CYP39A1: variants seen among roughly 807,000 people sequenced by gnomAD.
The protein encoded by CYP39A1 is 24-hydroxycholesterol 7-alpha-hydroxylase.
A neutral mutation model predicts 58.1 loss-of-function variants in CYP39A1; 49 were observed. That is an observed-to-expected ratio of 0.84 (90% confidence interval 0.67 to 1.07). The LOEUF is 1.07. Among genes scored for constraint, CYP39A1 ranks in the 50% least tolerant of loss-of-function variants. The pLI, the probability that CYP39A1 is intolerant of heterozygous loss-of-function variation, is 0.00. For synonymous variants in CYP39A1, 209 were observed against 187.6 expected (o/e 1.11, Z -0.93); for missense variants, 531 against 539.4 (o/e 0.98, Z 0.16).
At chr6:46,562,881 G>A (rs1217709319) in intron 10 of CYP39A1, among the ~76,000 whole-genome samples, 1 of 151,780 alleles carries the variant, frequency 6.6e-6, no homozygotes, top group Non-Finnish European at 1.5e-5. Flanking sequence ...CAGGCTTTTG[G>A]CCAATTCATA....
At chr6:46,585,778 A>T (rs930666562) in intron 10 of CYP39A1, among the ~76,000 whole-genome samples, 2 of 152,136 alleles carry the variant, frequency 1.3e-5, no homozygotes, top group South Asian at 4.1e-4. Flanking sequence ...CGACAAAATA[A>T]TATTACTGAG....
At chr6:46,643,055 C>T (rs1776440113) in intron 1 of CYP39A1, among the ~76,000 whole-genome samples, 1 of 152,222 alleles carries the variant, frequency 6.6e-6, no homozygotes, top group Non-Finnish European at 1.5e-5. Context: ...TCTCTCTCTC[C>T]TACATCATTA....
chr6:46,566,242 A>G (rs747707756), intron 10 of CYP39A1, among the ~76,000 whole-genome samples: 3 of 152,184 alleles, frequency 2.0e-5, no homozygotes, highest in Non-Finnish European at 1.5e-5. Flanking sequence ...CTATGAGCTA[A>G]TAGTTTGGCT....
At chr6:46,570,531 C>T (rs1432013761) in intron 10 of CYP39A1, among the ~76,000 whole-genome samples, 1 of 151,936 alleles carries the variant, frequency 6.6e-6, no homozygotes, top group African/African-American at 2.4e-5. Flanking sequence ...TTGTTGTGTT[C>T]GTTCATTTGT....
intron 1 of CYP39A1, among the ~76,000 whole-genome samples, chr6:46,649,764 T>A (rs1303267453): frequency 6.6e-6 from 1 of 152,134 alleles, no homozygotes; most frequent in African/African-American, 2.4e-5. Context: ...AAAAAGAGGT[T>A]GAAGGGACTT....
rs553338005 is a variant in CYP39A1, at chr6:46,650,581, G to A, written c.177+1825C>T. 9.7e-4 allele frequency among the ~76,000 whole-genome samples: 127 copies of A among 130,322 alleles called. 3 individuals are homozygous for A. The highest frequency in any genetic ancestry group is 2.9e-3 in the African/African-American group (100 of 34,868). The allele number at this position is 130,322 out of a possible 152,430, so 85.5% of individuals were successfully genotyped here. A position where few individuals can be genotyped will look rare whatever the true frequency, so the allele number is the denominator to read the frequency against. ...TGCAGTGGCTCAATCATAGCTTACCGGAATCTGGAACTCCTGAGCTCAAGC... is the reference window on the plus strand; with the variant it reads ...TGCAGTGGCTCAATCATAGCTTACCAGAATCTGGAACTCCTGAGCTCAAGC... On this transcript the variant is annotated intron_variant, in intron 1 of 11. Transcript: ENST00000275016.
intron 7 of CYP39A1, among the ~76,000 whole-genome samples, chr6:46,599,114 T>C (rs1287931486): frequency 6.6e-6 from 1 of 152,124 alleles, no homozygotes; most frequent in Non-Finnish European, 1.5e-5. Context: ...ATTCCTTCCA[T>C]TATTTGTTCA....
At chr6:46,645,872 T>C (rs1762290559) in intron 1 of CYP39A1, among the ~76,000 whole-genome samples, 1 of 152,102 alleles carries the variant, frequency 6.6e-6, no homozygotes, top group Non-Finnish European at 1.5e-5. Flanking sequence ...GTTCTAAACA[T>C]TTTGTTACAT....
chr6:46,574,830 A>G lies in CYP39A1; in HGVS notation c.1250+12247T>C, dbSNP rs114938757. ...AATCACTTTGGTCTAAGTATCAAAA[A>G]TCACTGTTAATTTTTTTAGGGAGCC... On this transcript the variant is annotated intron_variant, in intron 10 of 11. Transcript: ENST00000275016. Among the ~76,000 whole-genome samples the G allele has an allele frequency of 7.5e-3, 1,146 of 152,054 alleles. 16 individuals are homozygous for G. The highest frequency in any genetic ancestry group is 0.026 in the African/African-American group (1,070 of 41,472).
chr6:46,569,965 A>G (rs1439061367), intron 10 of CYP39A1, among the ~76,000 whole-genome samples: 1 of 152,104 alleles, frequency 6.6e-6, no homozygotes, highest in Non-Finnish European at 1.5e-5. Context: ...ATGTTCAGTA[A>G]AATTCAGAAG....
chr6:46,616,003 C>T (rs1181027551), intron 7 of CYP39A1, among the ~76,000 whole-genome samples: 3 of 3,392 alleles, frequency 8.8e-4, no homozygotes, highest in Non-Finnish European at 1.9e-3. Flanking sequence ...CCTTTCCCTC[C>T]CTCCCCCCTC....
intron 10 of CYP39A1, among the ~76,000 whole-genome samples, chr6:46,585,224 TACTAC>T (rs970138220): frequency 2.0e-5 from 3 of 152,150 alleles, no homozygotes; most frequent in African/African-American, 7.2e-5. Context: ...CATTGGCCCA[TACTAC>T]ACACTTCATT....
intron 4 of CYP39A1, 97 bp from the exon 5 acceptor site, chr6:46,636,579 G>T: frequency 1.4e-6 from 1 of 739,108 alleles, no homozygotes; most frequent in Non-Finnish European, 2.2e-6. Flanking sequence ...ATTAAAATTA[G>T]TTCTCCAAAT....
At chr6:46,564,534 G>A (rs1164466218) in intron 10 of CYP39A1, among the ~76,000 whole-genome samples, 5 of 152,228 alleles carry the variant, frequency 3.3e-5, no homozygotes, top group Admixed American at 2.0e-4. Flanking sequence ...AATGTACACA[G>A]AAGGCCAGAA....
chr6:46,582,831 C>T (rs1476487523), intron 10 of CYP39A1, among the ~76,000 whole-genome samples: 1 of 151,924 alleles, frequency 6.6e-6, no homozygotes, highest in East Asian at 1.9e-4. Flanking sequence ...GGGGCTTCAT[C>T]TGATTTGTTT....
intron 8 of CYP39A1, among the ~76,000 whole-genome samples, chr6:46,591,652 C>T (rs1233119202): frequency 1.3e-5 from 2 of 151,902 alleles, no homozygotes; most frequent in Non-Finnish European, 2.9e-5. Flanking sequence ...TAGACAAAAA[C>T]TCTTTGGGAT....
chr6:46,607,464 TACAC>T (rs3839568), intron 7 of CYP39A1, among the ~76,000 whole-genome samples: 9 of 145,466 alleles, frequency 6.2e-5, no homozygotes, highest in Admixed American at 1.4e-4. Flanking sequence ...CCCTTCCCCC[TACAC>T]ACACACACAC....
At chr6:46,638,073 G>T in intron 3 of CYP39A1, 95 bp from the exon 4 acceptor site, 1 of 1,250,728 alleles carries the variant, frequency 8.0e-7, no homozygotes, top group Non-Finnish European at 1.1e-6. Context: ...GCAATATATG[G>T]GGAGCAGATA....
intron 10 of CYP39A1, among the ~76,000 whole-genome samples, chr6:46,575,593 C>T (rs1203776334): frequency 6.6e-6 from 1 of 152,138 alleles, no homozygotes; most frequent in Non-Finnish European, 1.5e-5. Context: ...TCATAGCATC[C>T]CCCTGTCCCC....
Sources: gnomAD v4.1 joint callset for allele counts (sites outside exome capture counted in the v4.1 genomes callset) on GRCh38, gnomAD v4.1.1 for gene constraint, MANE v1.5 for transcripts, NCBI Gene and HGNC (gene_info 2026-07-23, HGNC 2026-07-21) for gene names.